CTNNA3: variants seen among roughly 807,000 people sequenced by gnomAD.
CTNNA3 encodes the protein catenin alpha-3.
In CTNNA3, 76 loss-of-function variants were observed where a neutral mutation model predicts 95.7. The ratio of observed to expected loss-of-function variants is 0.79; its 90% CI spans 0.66 to 0.96. CTNNA3 has a LOEUF of 0.96. CTNNA3 is among the 40% of genes least tolerant of loss of function. CTNNA3 has a pLI of 0.00. For missense variants in CTNNA3, 1,191 were observed against 1,089.8 expected, an observed-to-expected ratio of 1.09 and a Z score of -1.31; for synonymous variants, 431 against 374.4, an observed-to-expected ratio of 1.15 and a Z score of -1.74.
chr10:66,879,679 T>C (rs1195461046), intron 7 of CTNNA3, among the ~76,000 whole-genome samples: 2 of 151,978 alleles, frequency 1.3e-5, no homozygotes, highest in African/African-American at 2.4e-5. Flanking sequence ...ATAGATAGAA[T>C]GAGCATACAA....
At chr10:67,163,932 G>A (rs1030777032) in intron 7 of CTNNA3, among the ~76,000 whole-genome samples, 5 of 151,804 alleles carry the variant, frequency 3.3e-5, no homozygotes, top group East Asian at 1.9e-4. Flanking sequence ...AAACGTGTAC[G>A]ACTTCTATAC....
At chr10:66,108,759 G>A (rs984358648) in intron 13 of CTNNA3, among the ~76,000 whole-genome samples, 2 of 152,030 alleles carry the variant, frequency 1.3e-5, no homozygotes, top group Non-Finnish European at 2.9e-5. Flanking sequence ...GAATAAAGGA[G>A]CAAACAATTT....
intron 9 of CTNNA3, among the ~76,000 whole-genome samples, chr10:66,748,986 A>C (rs72802610): frequency 0.025 from 3,732 of 151,372 alleles, 71 homozygotes; most frequent in Admixed American, 0.056. Flanking sequence ...TACCTGGCCA[A>C]CATAGTGAAA....
At chr10:66,116,294 G>A (rs973197440) in intron 13 of CTNNA3, among the ~76,000 whole-genome samples, 3 of 151,708 alleles carry the variant, frequency 2.0e-5, no homozygotes, top group African/African-American at 7.3e-5. Context: ...GTGGAGAATT[G>A]TTTTTTTTAA....
intron 10 of CTNNA3, among the ~76,000 whole-genome samples, chr10:66,531,879 A>AT (rs1199484049): frequency 6.6e-6 from 1 of 152,252 alleles, no homozygotes; most frequent in Non-Finnish European, 1.5e-5. Flanking sequence ...GGCAACAGAG[A>AT]TTTTTTGATC....
intron 7 of CTNNA3, among the ~76,000 whole-genome samples, chr10:67,074,342 C>G (rs1241499099): frequency 1.5e-5 from 1 of 68,726 alleles, no homozygotes; most frequent in Non-Finnish European, 2.5e-5. Context: ...CACTTTAACT[C>G]TTTTTTTTTT....
chr10:65,948,257 G>C (rs983682141), intron 17 of CTNNA3, among the ~76,000 whole-genome samples: 2 of 145,944 alleles, frequency 1.4e-5, no homozygotes, highest in South Asian at 2.2e-4. Context: ...CTCCAGCCTG[G>C]GCAACAGAGC....
At chr10:67,507,015 A>AT (rs1339811978) in intron 5 of CTNNA3, among the ~76,000 whole-genome samples, 1 of 152,190 alleles carries the variant, frequency 6.6e-6, no homozygotes, top group African/African-American at 2.4e-5. Flanking sequence ...AGCTAGACTA[A>AT]CAAAAAAAGA....
chr10:67,682,004 A>C (rs1451621328), intron 1 of CTNNA3, among the ~76,000 whole-genome samples: 1 of 152,030 alleles, frequency 6.6e-6, no homozygotes, highest in Non-Finnish European at 1.5e-5. Flanking sequence ...AAAAACACAA[A>C]AAAATTAGCC....
intron 1 of CTNNA3, among the ~76,000 whole-genome samples, chr10:67,668,125 C>T (rs1370399306): frequency 6.6e-6 from 1 of 151,958 alleles, no homozygotes; most frequent in Non-Finnish European, 1.5e-5. Flanking sequence ...TTTTGGTTTT[C>T]GCAGGTGCCT....
At chr10:66,512,168 T>C (rs988595088) in intron 11 of CTNNA3, among the ~76,000 whole-genome samples, 2 of 152,022 alleles carry the variant, frequency 1.3e-5, no homozygotes, top group African/African-American at 2.4e-5. Flanking sequence ...TAAAAGTCTA[T>C]TTTGTCTGAT....
rs1311604954 is a variant in CTNNA3, at chr10:65,915,709, T to C, written c.*4621A>G. On this transcript the variant is annotated 3_prime_UTR_variant, in exon 18 of 18. Coordinates refer to ENST00000433211, the MANE Select transcript of CTNNA3 (RefSeq NM_013266.4). Reference sequence around the variant, plus strand: ...GTTGAGTTCCATTTGGAGACAGCTCTCTCAATTAACATTACTTTCTTTTAG... The same window carrying C: ...GTTGAGTTCCATTTGGAGACAGCTCCCTCAATTAACATTACTTTCTTTTAG... 1 of 152,136 alleles carries C rather than the reference T, an allele frequency of 6.6e-6. No individual in the cohort carries two copies. Among genetic ancestry groups the C allele is most frequent in the South Asian group, 2.1e-4 (1 of 4,834 alleles). The allele number at this position is 152,136 out of a possible 1,614,324, so 9.4% of individuals were successfully genotyped here. A position where few individuals can be genotyped will look rare whatever the true frequency, so the allele number is the denominator to read the frequency against.
chr10:66,654,603 A>G (rs1389790842), intron 9 of CTNNA3, among the ~76,000 whole-genome samples: 3 of 152,050 alleles, frequency 2.0e-5, no homozygotes, highest in African/African-American at 7.2e-5. Flanking sequence ...TCACTTCTGG[A>G]TATATGTCCA....
chr10:66,897,167 G>A (rs1451765957), intron 7 of CTNNA3, among the ~76,000 whole-genome samples: 1 of 152,042 alleles, frequency 6.6e-6, no homozygotes, highest in Non-Finnish European at 1.5e-5. Context: ...ACTAAATATT[G>A]TTATAATATA....
At chr10:67,328,640 A>G (rs923986815) in intron 5 of CTNNA3, among the ~76,000 whole-genome samples, 2 of 152,168 alleles carry the variant, frequency 1.3e-5, no homozygotes, top group African/African-American at 4.8e-5. Context: ...GGGGCCAGGA[A>G]TGAGTGTGGG....
intron 11 of CTNNA3, among the ~76,000 whole-genome samples, chr10:66,438,154 C>T (rs2093350927): frequency 6.6e-6 from 1 of 152,150 alleles, no homozygotes; most frequent in Admixed American, 6.5e-5. Flanking sequence ...GGAGGTGTTT[C>T]CTAGTCAGGA....
intron 5 of CTNNA3, among the ~76,000 whole-genome samples, chr10:67,502,117 G>T (rs1839251625): frequency 6.6e-6 from 1 of 152,082 alleles, no homozygotes. Flanking sequence ...TACCTTTATT[G>T]GTCTTTGATG....
chr10:65,947,090 GTT>G (rs57602080), intron 17 of CTNNA3, among the ~76,000 whole-genome samples: 6,904 of 143,594 alleles, frequency 0.048, 460 homozygotes, highest in African/African-American at 0.17. Context: ...TCTTTTGTTT[GTT>G]TTTTTTTTTT....
intron 5 of CTNNA3, among the ~76,000 whole-genome samples, chr10:67,445,259 T>C (rs914284371): frequency 5.5e-5 from 8 of 146,578 alleles, no homozygotes; most frequent in African/African-American, 1.8e-4. Context: ...AGCAACTTCA[T>C]AGGGAAAAAA....
Sources: gnomAD v4.1 joint callset for allele counts (sites outside exome capture counted in the v4.1 genomes callset) on GRCh38, gnomAD v4.1.1 for gene constraint, MANE v1.5 for transcripts, NCBI Gene and HGNC (gene_info 2026-07-23, HGNC 2026-07-21) for gene names.